The following SP100 variants were observed in gnomAD, a reference collection of about 807,000 sequenced individuals.
SP100 encodes the protein SP100 nuclear body protein.
A neutral mutation model predicts 130.0 loss-of-function variants in SP100; 84 were observed. The ratio of observed to expected loss-of-function variants is 0.65; its 90% CI spans 0.54 to 0.77. The LOEUF is 0.77. Ranked by LOEUF, SP100 falls within the 30% of genes least tolerant of loss-of-function variation. The pLI, the probability that SP100 is intolerant of heterozygous loss-of-function variation, is 0.00. For missense variants in SP100, 978 were observed against 1,052.2 expected, an observed-to-expected ratio of 0.93 and a Z score of 0.97; for synonymous variants, 331 against 351.7, an observed-to-expected ratio of 0.94 and a Z score of 0.66.
At chr2:230,459,880 C>G (rs142747537) in intron 8 of SP100, among the ~76,000 whole-genome samples, 53 of 152,234 alleles carry the variant, frequency 3.5e-4, no homozygotes, top group African/African-American at 1.1e-3. Flanking sequence ...AAACCCAGTG[C>G]CTTCGTGTGG....
At position 230,444,202 on chromosome 2, in the gene SP100, C is replaced by T. The variant is rs750820796; in HGVS notation, c.295C>T (p.Leu99=). Residue 99 remains leucine, a synonymous_variant, in exon 4 of 29, where the codon CTG becomes TTG. Transcript: ENST00000340126. ...FEDSQDSCRN[L]VPVQRVVYNV... is the part of the protein sequence containing the mutation. ...GGATTCTCAAGATTCTTGTAGAAAC[C>T]TGGTCCCTGTACAGAGAGTGGTGTA... 1 of 1,585,722 alleles carries T rather than the reference C, an allele frequency of 6.3e-7. No individual in the cohort carries two copies. Among genetic ancestry groups the T allele is most frequent in the Non-Finnish European group, 8.5e-7 (1 of 1,170,168 alleles).
At chr2:230,416,637 C>T in intron 1 of SP100, 1 of 648,166 alleles carries the variant, frequency 1.5e-6, no homozygotes, top group Non-Finnish European at 2.0e-6. Context: ...ACTATTTCCT[C>T]ATGATCTGTG....
rs11902252 is a variant in SP100 at position 230,544,533 on chromosome 2, G to A, written c.*1587G>A. Among the ~76,000 whole-genome samples the A allele has an allele frequency of 6.5e-3, 983 of 152,104 alleles. 8 individuals are homozygous for A. Among genetic ancestry groups the A allele is most frequent in the African/African-American group, 0.022 (932 of 41,488 alleles). ...ATGGAGTTTCACTCTTGTTGCCCAGGCCAGAGTGCAATGGCGTGATCTTGG... is the reference window on the plus strand; with the variant it reads ...ATGGAGTTTCACTCTTGTTGCCCAGACCAGAGTGCAATGGCGTGATCTTGG... On this transcript the variant is annotated 3_prime_UTR_variant, in exon 29 of 29. Coordinates refer to ENST00000340126, the MANE Select transcript of SP100 (RefSeq NM_001080391.2).
chr2:230,472,008 A>G (rs1042915209), intron 15 of SP100, among the ~76,000 whole-genome samples: 2 of 152,202 alleles, frequency 1.3e-5, no homozygotes, highest in Non-Finnish European at 2.9e-5. Flanking sequence ...GGTAATAGAG[A>G]TGGCTATGTG....
Position 230,423,459 on chromosome 2 carries a change from C to T in SP100, c.107+5794C>T, listed in dbSNP as rs565585277. Among the ~76,000 whole-genome samples the T allele has an allele frequency of 3.9e-5, 6 of 152,114 alleles. No homozygotes were observed. In the East Asian group the frequency reaches 1.2e-3, roughly 29 times the overall value. ...ACCACCTTTTGGTTTTATTGATCCA[C>T]TACTCTTATTTTCTGTTTGAGATTT... is the stretch of plus-strand genomic sequence containing the variant. On this transcript the variant is annotated intron_variant, in intron 2 of 28. Coordinates refer to ENST00000340126, the MANE Select transcript of SP100 (RefSeq NM_001080391.2).
At chr2:230,540,171 C>T (rs189263565) in intron 25 of SP100, among the ~76,000 whole-genome samples, 3 of 152,278 alleles carry the variant, frequency 2.0e-5, no homozygotes, top group African/African-American at 7.2e-5. Flanking sequence ...ACCAGAGATG[C>T]AAAGTGCTCT....
chr2:230,444,421 A>G (rs1282745866), intron 4 of SP100, 75 bp downstream of exon 4: 1 of 1,192,266 alleles, frequency 8.4e-7, no homozygotes. Context: ...ATCTCCTACC[A>G]TGAGTGACAT....
At chr2:230,494,959 G>T (rs564857543) in intron 18 of SP100, among the ~76,000 whole-genome samples, 1 of 152,274 alleles carries the variant, frequency 6.6e-6, no homozygotes, top group African/African-American at 2.4e-5. Flanking sequence ...AATGATTATG[G>T]GTGACAAATA....
At chr2:230,519,265 G>T (rs1483048936) in intron 24 of SP100, among the ~76,000 whole-genome samples, 1 of 152,172 alleles carries the variant, frequency 6.6e-6, no homozygotes, top group Non-Finnish European at 1.5e-5. Flanking sequence ...CACTTTAATG[G>T]GGGTGGTTGA....
At chr2:230,530,157 T>C (rs1691632445) in intron 24 of SP100, among the ~76,000 whole-genome samples, 1 of 152,212 alleles carries the variant, frequency 6.6e-6, no homozygotes, top group Non-Finnish European at 1.5e-5. Context: ...GCTAGAGGTA[T>C]CATGCTACCT....
At chr2:230,444,815 C>T (rs1412004078) in intron 4 of SP100, among the ~76,000 whole-genome samples, 1 of 152,112 alleles carries the variant, frequency 6.6e-6, no homozygotes, top group African/African-American at 2.4e-5. Flanking sequence ...TCAGGATGCC[C>T]TAAGAGGCAA....
chr2:230,526,779 C>G (rs1449365795), intron 24 of SP100, among the ~76,000 whole-genome samples: 2 of 152,088 alleles, frequency 1.3e-5, no homozygotes, highest in Non-Finnish European at 2.9e-5. Flanking sequence ...ATGACGCACG[C>G]ACAAGCTTCA....
In SP100 at chr2:230,515,615, A is replaced by G. The variant is rs1333398799; in HGVS notation, c.2094+4449A>G. 3 of 1,601,860 alleles carry G rather than the reference A, an allele frequency of 1.9e-6. No homozygotes were observed. The Admixed American group carries it at 5.2e-5, about 28-fold the overall frequency. On this transcript the variant is annotated intron_variant, in intron 24 of 28. Coordinates refer to ENST00000340126, the MANE Select transcript of SP100 (RefSeq NM_001080391.2). ...GATGAAGAGGATGAACAAGAGGAGG[A>G]AAATGAAGAAGATGATGATAAATAA...
chr2:230,489,551 G>T (rs1465585731), intron 17 of SP100, among the ~76,000 whole-genome samples: 1 of 151,648 alleles, frequency 6.6e-6, no homozygotes, highest in East Asian at 1.9e-4. Flanking sequence ...CTTGTCTTCT[G>T]CTAGCTTTTG....
intron 8 of SP100, among the ~76,000 whole-genome samples, chr2:230,454,909 G>T (rs2064192524): frequency 6.6e-6 from 1 of 151,956 alleles, no homozygotes; most frequent in African/African-American, 2.4e-5. Context: ...TATTGTATTA[G>T]TCTCTCTTTC....
At chr2:230,431,480 G>C (rs866874383) in intron 2 of SP100, among the ~76,000 whole-genome samples, 6 of 152,310 alleles carry the variant, frequency 3.9e-5, no homozygotes, top group Middle Eastern at 3.4e-3. Flanking sequence ...TGTGGTCCAA[G>C]GGAGGTGGTT....
rs760528759 is a variant in SP100, at chr2:230,464,122, C to T, written c.1113C>T (p.Ala371=). Residue 371 remains alanine (A), a synonymous_variant, in exon 11 of 29, where the codon GCC becomes GCT. Coordinates refer to ENST00000340126, the MANE Select transcript of SP100 (RefSeq NM_001080391.2). ...ATGATGAAAAGGAGGGCCAAGAAGC[C>T]ACTTGCTCACGACCCCAGATTGTAC... The part of the protein sequence containing the change: ...ESNDEKEGQE[A]TCSRPQIVPE... The T allele has an allele frequency of 3.1e-6, 5 of 1,612,130 alleles. No individual in the cohort carries two copies. In the South Asian group the frequency reaches 5.5e-5, roughly 18 times the overall value.
chr2:230,504,396 C>T, intron 21 of SP100, 106 bp downstream of exon 21: 1 of 624,362 alleles, frequency 1.6e-6, no homozygotes, highest in East Asian at 2.8e-5. Flanking sequence ...AAACCAGCCC[C>T]AGGCTTGAAG....
rs142810711 is a variant in SP100 at position 230,469,092 on chromosome 2, G to A, written c.1341G>A (p.Lys447=). The change falls in exon 14 of 29, where the codon AAG becomes AAA. Residue 447 remains lysine (K), a synonymous_variant. Coordinates refer to ENST00000340126, the MANE Select transcript of SP100 (RefSeq NM_001080391.2). ...CTACTTGGAGAATACCCAGCAGGAA[G>A]AGACGTAAGAGCAATTAAAAACTCT... The part of the protein sequence containing the change: ...STSTWRIPSR[K]RRFSSSDFSD... 10 of 1,590,020 alleles carry A rather than the reference G, an allele frequency of 6.3e-6. No individual in the cohort carries two copies. In the African/African-American group the frequency reaches 1.2e-4, roughly 19 times the overall value.
Sources: gnomAD v4.1 joint callset for allele counts (sites outside exome capture counted in the v4.1 genomes callset) on GRCh38, gnomAD v4.1.1 for gene constraint, MANE v1.5 for transcripts, NCBI Gene and HGNC (gene_info 2026-07-23, HGNC 2026-07-21) for gene names.